RNF214: variants seen among roughly 807,000 people sequenced by gnomAD.
RNF214 encodes ring finger protein 214.
A neutral mutation model predicts 75.9 loss-of-function variants in RNF214; 25 were observed. The observed-to-expected ratio is 0.33, with a 90% CI of 0.24 to 0.46. The LOEUF is 0.46. Ranked by LOEUF, RNF214 falls within the 20% of genes least tolerant of loss-of-function variation. The pLI is 1.00. For missense variants in RNF214, 725 were observed against 857.5 expected, an observed-to-expected ratio of 0.85 and a Z score of 1.93; for synonymous variants, 314 against 308.8, an observed-to-expected ratio of 1.02 and a Z score of -0.18.
At chr11:117,252,376 G>C (rs1347794247) in intron 6 of RNF214, among the ~76,000 whole-genome samples, 1 of 152,224 alleles carries the variant, frequency 6.6e-6, no homozygotes, top group Non-Finnish European at 1.5e-5. Context: ...ACAGGGTTGA[G>C]TTAGGGATAA....
chr11:117,270,289 G>T (rs2033883728), intron 6 of RNF214, among the ~76,000 whole-genome samples: 1 of 96,620 alleles, frequency 1.0e-5, no homozygotes, highest in South Asian at 3.3e-4. Context: ...TTACTCAGTT[G>T]CTCTGTTGTC....
At chr11:117,284,528 A>G (rs1342458733) in intron 14 of RNF214, among the ~76,000 whole-genome samples, 3 of 152,218 alleles carry the variant, frequency 2.0e-5, no homozygotes, top group African/African-American at 4.8e-5. Flanking sequence ...TAGACATTCA[A>G]CAAAAAGCAG....
At chr11:117,250,364 T>C (rs1023148924) in intron 6 of RNF214, among the ~76,000 whole-genome samples, 19 of 152,194 alleles carry the variant, frequency 1.2e-4, no homozygotes, top group Non-Finnish European at 7.4e-5. Context: ...ACTGTGTCAG[T>C]GTTATGTATT....
In RNF214 at chr11:117,257,674, A is replaced by G. The variant is rs141240027; in HGVS notation, c.959+10726A>G. 2.5e-3 allele frequency among the ~76,000 whole-genome samples: 382 copies of G among 152,352 alleles called. 13 individuals are homozygous for G. In the South Asian group the frequency reaches 0.049, roughly 20 times the overall value. The stretch of plus-strand genomic sequence containing the variant: ...GTACTACACTCTGAGTTATACTTAC[A>G]GTTTGGGAGTAGAAGTAAGTAGGAA... On this transcript the variant is annotated intron_variant, in intron 6 of 14. Coordinates refer to ENST00000300650, the MANE Select transcript of RNF214 (RefSeq NM_207343.4).
intron 14 of RNF214, among the ~76,000 whole-genome samples, chr11:117,283,914 C>T (rs2034185394): frequency 6.6e-6 from 1 of 152,068 alleles, no homozygotes; most frequent in Admixed American, 6.6e-5. Flanking sequence ...GCCTCAGCCT[C>T]CCAAAGTGCT....
chr11:117,275,976 C>G (rs1004695698), intron 6 of RNF214, among the ~76,000 whole-genome samples: 2 of 152,118 alleles, frequency 1.3e-5, no homozygotes, highest in African/African-American at 2.4e-5. Flanking sequence ...AACATAGATG[C>G]AAAAGTCCTC....
Position 117,239,043 on chromosome 11 carries a change from G to A in RNF214, c.550G>A (p.Val184Ile). ...VVSPANGVEG[V>I]RVDQDDDQDS... is the part of the protein sequence containing the mutation. The stretch of plus-strand genomic sequence containing the variant: ...GTCTCCAGCAAATGGGGTTGAAGGA[G>A]TCCGAGTGGATCAGGATGATGATCA... The change falls in exon 3 of 15, where the codon GTC (valine) becomes ATC (isoleucine). Residue 184 changes from valine to isoleucine, a missense_variant. By Grantham distance (29) the Val-to-Ile change is conservative. Transcript: ENST00000300650. 6.2e-7 allele frequency: 1 copy of A among 1,614,190 alleles called. No homozygotes were observed.
chr11:117,233,012 C>T (rs1454143244), intron 1 of RNF214, among the ~76,000 whole-genome samples: 1 of 152,110 alleles, frequency 6.6e-6, no homozygotes, highest in African/African-American at 2.4e-5. Context: ...CCACCCAGCG[C>T]CGCTTCCCCC....
intron 2 of RNF214, among the ~76,000 whole-genome samples, chr11:117,237,039 G>A (rs532801771): frequency 2.6e-5 from 4 of 152,180 alleles, no homozygotes; most frequent in South Asian, 2.1e-4. Context: ...TTAAGCACCC[G>A]CTCACAGTTA....
At position 117,251,274 on chromosome 11, in the gene RNF214, G is replaced by C. The variant is rs1336780809; in HGVS notation, c.959+4326G>C. Among the ~76,000 whole-genome samples, 262 of 43,850 alleles carry C rather than the reference G, an allele frequency of 6.0e-3. 3 individuals are homozygous for C. The highest frequency in any genetic ancestry group is 0.015 in the Middle Eastern group (1 of 68). The allele number at this position is 43,850 out of a possible 152,430, so 28.8% of individuals were successfully genotyped here. A position where few individuals can be genotyped will look rare whatever the true frequency, so the allele number is the denominator to read the frequency against. ...CCCGCTGACCCCCCCACCTCCCTCC[G>C]GGACGGGGCGGCTGGCCGGGCAGAG... On this transcript the variant is annotated intron_variant, in intron 6 of 14. Transcript: ENST00000300650.
In RNF214 at chr11:117,285,227, A is replaced by AT; in HGVS notation, c.*77dup. On this transcript the variant is annotated 3_prime_UTR_variant, in exon 15 of 15. Coordinates refer to ENST00000300650, the MANE Select transcript of RNF214 (RefSeq NM_207343.4). Reference sequence around the variant, plus strand: ...GCGGGTTCAAGATTTCTAAAACTCTATATTTATACAGTGACATATACTCAT... The same window carrying AT: ...GCGGGTTCAAGATTTCTAAAACTCTATTATTTATACAGTGACATATACTCAT... 1.0e-6 allele frequency: 1 copy of AT among 962,774 alleles called. No individual in the cohort carries two copies. Among genetic ancestry groups the AT allele is most frequent in the Non-Finnish European group, 1.7e-6 (1 of 590,412 alleles). The allele number at this position is 962,774 out of a possible 1,614,324, so 59.6% of individuals were successfully genotyped here.
At chr11:117,242,265 A>G (rs912288477) in intron 4 of RNF214, among the ~76,000 whole-genome samples, 7 of 152,184 alleles carry the variant, frequency 4.6e-5, no homozygotes, top group African/African-American at 1.7e-4. Context: ...GTTAATTTAT[A>G]AAGAGTGGTA....
chr11:117,239,653 C>T, intron 3 of RNF214, 148 bp from the exon 4 acceptor site: 1 of 643,064 alleles, frequency 1.6e-6, no homozygotes, highest in Non-Finnish European at 2.8e-6. Flanking sequence ...TGTCCGTTTG[C>T]CAGAACTACA....
intron 6 of RNF214, among the ~76,000 whole-genome samples, chr11:117,258,268 C>T (rs1038407817): frequency 7.2e-5 from 11 of 151,998 alleles, no homozygotes; most frequent in Non-Finnish European, 1.6e-4. Flanking sequence ...GGGGTTTCAC[C>T]ATGTTGGCCA....
chr11:117,278,163 G>T (rs2034052387), intron 6 of RNF214, among the ~76,000 whole-genome samples: 2 of 150,710 alleles, frequency 1.3e-5, no homozygotes, highest in African/African-American at 2.4e-5. Flanking sequence ...AATTAGGTGG[G>T]TGTGGTGGCA....
intron 4 of RNF214, 104 bp from the exon 5 acceptor site, chr11:117,244,341 G>T: frequency 1.2e-6 from 1 of 840,238 alleles, no homozygotes; most frequent in Non-Finnish European, 1.9e-6. Context: ...TTCATTATTG[G>T]ATAGTGCGGT....
chr11:117,239,404 A>G (rs1314925570), intron 3 of RNF214: 16 of 480,134 alleles, frequency 3.3e-5, no homozygotes, highest in Non-Finnish European at 7.4e-6. Flanking sequence ...TAGCATTCAT[A>G]TTTATCATCT....
intron 6 of RNF214, among the ~76,000 whole-genome samples, chr11:117,263,575 A>G (rs2033725401): frequency 6.6e-6 from 1 of 152,074 alleles, no homozygotes; most frequent in South Asian, 2.1e-4. Context: ...CACCCAGCAG[A>G]AAAAAAATTT....
intron 14 of RNF214, 64 bp from the exon 15 acceptor site, chr11:117,285,022 A>C: frequency 3.8e-5 from 41 of 1,087,722 alleles, no homozygotes; most frequent in Non-Finnish European, 5.0e-5. Context: ...CCTTATTGGC[A>C]TTCTCTCCTT....
Sources: allele counts gnomAD v4.1 joint callset (sites outside exome capture counted in the v4.1 genomes callset), GRCh38; gene constraint gnomAD v4.1.1; transcripts MANE v1.5; gene names NCBI Gene and HGNC (gene_info 2026-07-23, HGNC 2026-07-21).